The following MACROD2 variants were observed in gnomAD, a reference collection of about 807,000 sequenced individuals.
MACROD2 encodes the protein mono-ADP ribosylhydrolase 2.
MACROD2 carries 36 observed loss-of-function variants against 70.4 expected under a neutral mutation model. That is an observed-to-expected ratio of 0.51 (90% CI 0.39 to 0.68). The LOEUF (loss-of-function observed/expected upper bound fraction) is 0.68, where lower values mean the gene tolerates loss of function less well. Ranked by LOEUF, MACROD2 falls within the 30% of genes least tolerant of loss-of-function variation. The pLI, the probability that MACROD2 is intolerant of heterozygous loss-of-function variation, is 0.00. For missense variants in MACROD2, 496 were observed against 538.4 expected, an observed-to-expected ratio of 0.92 and a Z score of 0.78; for synonymous variants, 172 against 178.8, an observed-to-expected ratio of 0.96 and a Z score of 0.30.
intron 5 of MACROD2, among the ~76,000 whole-genome samples, chr20:14,791,526 A>T (rs536252158): frequency 6.6e-5 from 10 of 152,006 alleles, no homozygotes; most frequent in East Asian, 1.9e-4. Flanking sequence ...GGATATATAT[A>T]TTTTTTTCTC....
intron 5 of MACROD2, among the ~76,000 whole-genome samples, chr20:15,057,115 A>T (rs186367842): frequency 1.3e-5 from 2 of 152,300 alleles, no homozygotes; most frequent in East Asian, 3.9e-4. Flanking sequence ...TTTTTTAAAA[A>T]AGTGTGTGTG....
At chr20:15,231,838 T>C (rs977887721) in intron 6 of MACROD2, among the ~76,000 whole-genome samples, 1 of 152,012 alleles carries the variant, frequency 6.6e-6, no homozygotes, top group Non-Finnish European at 1.5e-5. Flanking sequence ...TTGATGATTA[T>C]TTTGAAGGGC....
intron 5 of MACROD2, among the ~76,000 whole-genome samples, chr20:15,120,914 G>A (rs551833460): frequency 3.9e-5 from 6 of 152,176 alleles, no homozygotes; most frequent in South Asian, 2.1e-4. Context: ...TCTTTGCTGC[G>A]TCGTTTGCTG....
intron 3 of MACROD2, among the ~76,000 whole-genome samples, chr20:14,196,578 G>A (rs1363994062): frequency 1.3e-5 from 2 of 152,148 alleles, no homozygotes. Flanking sequence ...TTGATTATAA[G>A]CAATAGAAAC....
chr20:15,904,494 T>C (rs1355768229), intron 10 of MACROD2, among the ~76,000 whole-genome samples: 1 of 152,192 alleles, frequency 6.6e-6, no homozygotes, highest in Non-Finnish European at 1.5e-5. Context: ...AAGGTGTTTT[T>C]TTATTGTTTT....
intron 3 of MACROD2, among the ~76,000 whole-genome samples, chr20:14,383,927 GT>G (rs1228844013): frequency 2.0e-5 from 3 of 151,952 alleles, no homozygotes; most frequent in African/African-American, 7.2e-5. Context: ...ATTTACCAGG[GT>G]TTTATAACAA....
intron 3 of MACROD2, among the ~76,000 whole-genome samples, chr20:14,188,255 T>TATCCG (rs2081360039): frequency 6.6e-6 from 1 of 152,146 alleles, no homozygotes; most frequent in African/African-American, 2.4e-5. Flanking sequence ...AGTTTTGAGA[T>TATCCG]ATCTTTATGT....
intron 8 of MACROD2, among the ~76,000 whole-genome samples, chr20:15,820,870 A>C (rs1451754731): frequency 6.6e-6 from 1 of 152,174 alleles, no homozygotes; most frequent in African/African-American, 2.4e-5. Context: ...AGAGTCTCTC[A>C]GTTTTAGACT....
At chr20:15,080,074 T>G (rs546102379) in intron 5 of MACROD2, among the ~76,000 whole-genome samples, 1 of 151,910 alleles carries the variant, frequency 6.6e-6, no homozygotes, top group South Asian at 2.1e-4. Context: ...TTTTTTCTTT[T>G]CTCTTGACTC....
intron 8 of MACROD2, among the ~76,000 whole-genome samples, chr20:15,642,269 G>A (rs1219712799): frequency 6.6e-6 from 1 of 152,104 alleles, no homozygotes; most frequent in Non-Finnish European, 1.5e-5. Context: ...ATTTCTGAAA[G>A]GATAGATAGT....
At chr20:14,702,573 A>C (rs989718359) in intron 5 of MACROD2, among the ~76,000 whole-genome samples, 1 of 54,888 alleles carries the variant, frequency 1.8e-5, no homozygotes, top group African/African-American at 7.0e-5. Flanking sequence ...ATACACATAT[A>C]TGTGTATATA....
chr20:15,713,726 T>C (rs1359241689), intron 8 of MACROD2, among the ~76,000 whole-genome samples: 1 of 151,904 alleles, frequency 6.6e-6, no homozygotes, highest in Non-Finnish European at 1.5e-5. Context: ...GAGATTTGGG[T>C]GGGGACACAG....
intron 5 of MACROD2, among the ~76,000 whole-genome samples, chr20:15,161,493 C>A (rs1326185354): frequency 6.6e-6 from 1 of 151,732 alleles, no homozygotes; most frequent in Non-Finnish European, 1.5e-5. Flanking sequence ...GATCTTAGAT[C>A]AAGAGGAATC....
intron 6 of MACROD2, among the ~76,000 whole-genome samples, chr20:15,381,453 C>A (rs539626781): frequency 6.6e-6 from 1 of 151,914 alleles, no homozygotes; most frequent in African/African-American, 2.4e-5. Flanking sequence ...GTAATCCCAG[C>A]ACTTTGGGAG....
At chr20:14,457,051 C>T (rs1187259912) in intron 3 of MACROD2, among the ~76,000 whole-genome samples, 1 of 151,950 alleles carries the variant, frequency 6.6e-6, no homozygotes. Flanking sequence ...TATCCTTCTT[C>T]AAATGTGTTA....
At chr20:15,722,358 T>G (rs1442188359) in intron 8 of MACROD2, among the ~76,000 whole-genome samples, 1 of 152,180 alleles carries the variant, frequency 6.6e-6, no homozygotes, top group African/African-American at 2.4e-5. Flanking sequence ...AATAGCAGTT[T>G]CACATCCTCA....
intron 2 of MACROD2, among the ~76,000 whole-genome samples, chr20:14,067,663 A>G (rs976058527): frequency 1.3e-5 from 2 of 152,244 alleles, no homozygotes; most frequent in Non-Finnish European, 2.9e-5. Flanking sequence ...AGATTATAGC[A>G]GTAGGATAAA....
intron 5 of MACROD2, among the ~76,000 whole-genome samples, chr20:15,056,411 T>G (rs2123066883): frequency 6.6e-6 from 1 of 152,282 alleles, no homozygotes; most frequent in South Asian, 2.1e-4. Context: ...TTAACTAGAC[T>G]GATGAGTTTT....
intron 3 of MACROD2, among the ~76,000 whole-genome samples, chr20:14,228,150 T>G (rs895202151): frequency 1.8e-4 from 24 of 132,052 alleles, no homozygotes; most frequent in Admixed American, 8.4e-4. Context: ...ACTATATATA[T>G]AGTTTTTTCT....
Sources: allele counts gnomAD v4.1 joint callset (sites outside exome capture counted in the v4.1 genomes callset), GRCh38; gene constraint gnomAD v4.1.1; transcripts MANE v1.5; gene names NCBI Gene and HGNC (gene_info 2026-07-23, HGNC 2026-07-21).